SEMA5A: variants seen among roughly 807,000 people sequenced by gnomAD.
SEMA5A encodes the protein semaphorin-5A.
SEMA5A carries 55 observed loss-of-function variants against 135.5 expected under a neutral mutation model. That is an observed-to-expected ratio of 0.41 (90% CI 0.33 to 0.51). SEMA5A has a LOEUF of 0.51. Ranked by LOEUF, SEMA5A falls within the 20% of genes least tolerant of loss-of-function variation. The pLI, the probability that SEMA5A is intolerant of heterozygous loss-of-function variation, is 0.37. For missense variants in SEMA5A, 1,290 were observed against 1,419.9 expected, an observed-to-expected ratio of 0.91 and a Z score of 1.47; for synonymous variants, 580 against 546.5, an observed-to-expected ratio of 1.06 and a Z score of -0.85.
chr5:9,203,131 C>T (rs886589461), intron 8 of SEMA5A, among the ~76,000 whole-genome samples: 2 of 152,200 alleles, frequency 1.3e-5, no homozygotes, highest in African/African-American at 4.8e-5. Context: ...AGAGATAGTA[C>T]ATTTTGAGAT....
intron 3 of SEMA5A, 151 bp downstream of exon 3, chr5:9,379,672 G>C (rs948586846): frequency 3.2e-6 from 3 of 929,976 alleles, no homozygotes; most frequent in Admixed American, 2.6e-5. Context: ...AATGATAGAG[G>C]CTTTTGTAGT....
At chr5:9,146,644 T>G (rs1742353341) in intron 12 of SEMA5A, among the ~76,000 whole-genome samples, 1 of 152,182 alleles carries the variant, frequency 6.6e-6, no homozygotes, top group Non-Finnish European at 1.5e-5. Flanking sequence ...GGTCCTTCGG[T>G]TCAGTTCCAT....
intron 2 of SEMA5A, among the ~76,000 whole-genome samples, chr5:9,409,014 C>T (rs1461808025): frequency 6.6e-6 from 1 of 152,078 alleles, no homozygotes; most frequent in East Asian, 1.9e-4. Context: ...ATTTGTTTTT[C>T]ACAGACATGG....
Position 9,545,204 on chromosome 5 carries a change from C to T in SEMA5A, c.-175+380G>A, listed in dbSNP as rs901621565. ...CTCCGTGTCCCCTGCCCCCGGCTCG[C>T]GGCAGTGCGAGCCTGGAGGCGCGCC... On this transcript the variant is annotated intron_variant, in intron 1 of 22. Coordinates refer to ENST00000382496, the MANE Select transcript of SEMA5A (RefSeq NM_003966.3). This position sits in a 1 kb window ranked among gnomAD's most constrained non-coding sequence, Gnocchi z 4.5. 6.6e-6 allele frequency among the ~76,000 whole-genome samples: 1 copy of T among 152,062 alleles called. No individual in the cohort carries two copies. Among genetic ancestry groups the T allele is most frequent in the African/African-American group, 2.4e-5 (1 of 41,426 alleles).
chr5:9,344,598 C>T (rs1753782329), intron 3 of SEMA5A, among the ~76,000 whole-genome samples: 1 of 152,116 alleles, frequency 6.6e-6, no homozygotes, highest in Non-Finnish European at 1.5e-5. Context: ...GAAACCAGGG[C>T]ACACCCCAGG....
At chr5:9,494,866 T>C (rs1735221372) in intron 1 of SEMA5A, among the ~76,000 whole-genome samples, 1 of 152,232 alleles carries the variant, frequency 6.6e-6, no homozygotes, top group South Asian at 2.1e-4. Flanking sequence ...TCAAATCACG[T>C]ACAAAAAATT....
chr5:9,134,798 A>T (rs1010688064), intron 13 of SEMA5A, among the ~76,000 whole-genome samples: 10 of 152,202 alleles, frequency 6.6e-5, no homozygotes, highest in African/African-American at 2.4e-4. Flanking sequence ...TCCAAAGTGT[A>T]TGTCTGTACT....
chr5:9,182,578 T>C (rs1245031534), intron 11 of SEMA5A, among the ~76,000 whole-genome samples: 1 of 152,098 alleles, frequency 6.6e-6, no homozygotes, highest in Non-Finnish European at 1.5e-5. Flanking sequence ...AACCAATGTT[T>C]GCTTCATTGA....
At chr5:9,106,027 GAC>G (rs1739893695) in intron 16 of SEMA5A, among the ~76,000 whole-genome samples, 1 of 152,114 alleles carries the variant, frequency 6.6e-6, no homozygotes, top group African/African-American at 2.4e-5. Flanking sequence ...CCTGCCTTAG[GAC>G]AGACAGAAAC....
At chr5:9,177,056 C>A (rs536126125) in intron 11 of SEMA5A, among the ~76,000 whole-genome samples, 7 of 152,346 alleles carry the variant, frequency 4.6e-5, no homozygotes, top group African/African-American at 1.7e-4. Flanking sequence ...GCTTACCCAG[C>A]ATGTGGGTGC....
intron 3 of SEMA5A, among the ~76,000 whole-genome samples, chr5:9,366,989 C>T (rs956974210): frequency 1.3e-5 from 2 of 152,116 alleles, no homozygotes; most frequent in Non-Finnish European, 2.9e-5. Flanking sequence ...AAACATGAAC[C>T]ATGATGCTTT....
At chr5:9,342,493 C>T (rs980993158) in intron 3 of SEMA5A, among the ~76,000 whole-genome samples, 1 of 152,154 alleles carries the variant, frequency 6.6e-6, no homozygotes, top group Non-Finnish European at 1.5e-5. Context: ...TTGAAACCCA[C>T]ATTGGAAACT....
At chr5:9,220,634 G>A (rs755135411) in intron 8 of SEMA5A, among the ~76,000 whole-genome samples, 4 of 152,206 alleles carry the variant, frequency 2.6e-5, no homozygotes, top group African/African-American at 4.8e-5. Flanking sequence ...AGGGATTGAG[G>A]ACAGAATTCC....
chr5:9,151,239 A>T (rs1560965091), intron 12 of SEMA5A, among the ~76,000 whole-genome samples: 1 of 152,202 alleles, frequency 6.6e-6, no homozygotes, highest in Non-Finnish European at 1.5e-5. Flanking sequence ...GTCATTGTGC[A>T]TTGTCTTTGG....
intron 3 of SEMA5A, among the ~76,000 whole-genome samples, chr5:9,352,003 A>C (rs1264824770): frequency 6.8e-6 from 1 of 146,270 alleles, no homozygotes; most frequent in Non-Finnish European, 1.5e-5. Flanking sequence ...ACTGATTCTC[A>C]TTTCTCCATG....
At chr5:9,539,603 A>G (rs1479775594) in intron 1 of SEMA5A, among the ~76,000 whole-genome samples, 2 of 152,224 alleles carry the variant, frequency 1.3e-5, no homozygotes, top group Non-Finnish European at 2.9e-5. Flanking sequence ...AATACAGATT[A>G]AGTATCCCTT....
intron 10 of SEMA5A, 137 bp downstream of exon 10, chr5:9,197,031 G>T (rs1745423560): frequency 8.3e-7 from 1 of 1,209,894 alleles, no homozygotes; most frequent in Non-Finnish European, 1.2e-6. Flanking sequence ...CAGAGTATGG[G>T]GCTGTCCATG....
intron 3 of SEMA5A, among the ~76,000 whole-genome samples, chr5:9,375,042 G>A (rs73740516): frequency 0.02 from 3,039 of 152,164 alleles, 96 homozygotes; most frequent in African/African-American, 0.069. Flanking sequence ...TCTTTGAAAA[G>A]CTGTTCCCTG....
At chr5:9,347,824 A>G (rs891634350) in intron 3 of SEMA5A, among the ~76,000 whole-genome samples, 3 of 152,208 alleles carry the variant, frequency 2.0e-5, no homozygotes, top group Non-Finnish European at 4.4e-5. Context: ...ATAATACTGA[A>G]CAACTAAACA....
Sources: gnomAD v4.1 joint callset for allele counts (sites outside exome capture counted in the v4.1 genomes callset) on GRCh38, gnomAD v4.1.1 for gene constraint, Gnocchi (gnomAD v3.1) non-coding constraint, MANE v1.5 for transcripts, NCBI Gene and HGNC (gene_info 2026-07-23, HGNC 2026-07-21) for gene names.